Variants in MOB1A observed in about 807,000 individuals in gnomAD.
MOB1A encodes MOB kinase activator 1A.
In MOB1A, 10 loss-of-function variants were observed where a neutral mutation model predicts 25.1. The observed-to-expected ratio is 0.40, with a 90% CI of 0.25 to 0.68. The LOEUF (loss-of-function observed/expected upper bound fraction) is 0.68, where lower values mean the gene tolerates loss of function less well. Ranked by LOEUF, MOB1A falls within the 30% of genes least tolerant of loss-of-function variation. MOB1A has a pLI of 0.40. For synonymous variants in MOB1A, 81 were observed against 79.5 expected (o/e 1.02, Z -0.10); for missense variants, 177 against 256.3 (o/e 0.69, Z 2.11).
In MOB1A at chr2:74,155,531, G is replaced by C. The variant is rs1030671748; in HGVS notation, c.*1037C>G. On this transcript the variant is annotated 3_prime_UTR_variant, in exon 6 of 6. Coordinates refer to ENST00000396049, the MANE Select transcript of MOB1A (RefSeq NM_018221.5). ...CATGGTTTATTGTGGTTTTCCTTAA[G>C]TTTTATCCTTATTAGGATGAAGTTC... The C allele has an allele frequency of 6.6e-6, 1 of 152,448 alleles. No individual in the cohort carries two copies. Among genetic ancestry groups the C allele is most frequent in the Non-Finnish European group, 1.5e-5 (1 of 67,972 alleles). 9.4% of individuals were successfully genotyped at this position (152,448 alleles called of 1,614,324 possible).
intron 1 of MOB1A, among the ~76,000 whole-genome samples, chr2:74,173,933 A>G (rs1170196389): frequency 8.3e-6 from 1 of 120,522 alleles, no homozygotes; most frequent in Non-Finnish European, 1.7e-5. Context: ...TGGGCGACAG[A>G]GCGAAACTCC....
chr2:74,176,133 G>A (rs530840916), intron 1 of MOB1A, among the ~76,000 whole-genome samples: 5 of 138,370 alleles, frequency 3.6e-5, no homozygotes, highest in South Asian at 2.3e-4. Flanking sequence ...CAAACTAGCC[G>A]GGCGTGGTGG....
chr2:74,167,000 G>C lies in MOB1A; in HGVS notation c.275+14C>G. On this transcript the variant is annotated intron_variant, in intron 3 of 5. Transcript: ENST00000396049. ...AACTAATCCAAACACCTATATAATA[G>C]GCAGTATATGTACCTCGGACCTGCA... is the stretch of plus-strand genomic sequence containing the variant. The C allele has an allele frequency of 6.3e-7, 1 of 1,578,090 alleles. No homozygotes were observed. The highest frequency in any genetic ancestry group is 1.3e-5 in the African/African-American group (1 of 74,092).
chr2:74,171,507 G>T (rs1693293425), intron 2 of MOB1A, among the ~76,000 whole-genome samples: 1 of 152,126 alleles, frequency 6.6e-6, no homozygotes, highest in Non-Finnish European at 1.5e-5. Context: ...TATAGAAGAA[G>T]AAAAATTGGT....
chr2:74,169,903 A>G (rs1572962927), intron 2 of MOB1A, among the ~76,000 whole-genome samples: 1 of 152,294 alleles, frequency 6.6e-6, no homozygotes, highest in South Asian at 2.1e-4. Flanking sequence ...TGCTGGGATT[A>G]CAGACATGAG....
chr2:74,167,311 T>A (rs998289923), intron 2 of MOB1A, among the ~76,000 whole-genome samples: 2 of 152,164 alleles, frequency 1.3e-5, no homozygotes, highest in African/African-American at 4.8e-5. Context: ...GCTGGTGCAA[T>A]CTTGGCTCAC....
rs1692764605 is a variant in MOB1A at position 74,155,045 on chromosome 2, A to C, written c.*1523T>G. ...AGTAAGAAAAATAAATCTAAAAAAAAACATCAAATCTAACCTTTATCAAAG... is the reference window on the plus strand; with the variant it reads ...AGTAAGAAAAATAAATCTAAAAAAACACATCAAATCTAACCTTTATCAAAG... On this transcript the variant is annotated 3_prime_UTR_variant, in exon 6 of 6. Coordinates refer to ENST00000396049, the MANE Select transcript of MOB1A (RefSeq NM_018221.5). 1 of 152,236 alleles carries C rather than the reference A, an allele frequency of 6.6e-6. No individual in the cohort carries two copies. The highest frequency in any genetic ancestry group is 2.4e-5 in the African/African-American group (1 of 41,460). The allele number at this position is 152,236 out of a possible 1,614,324, so 9.4% of individuals were successfully genotyped here. A position where few individuals can be genotyped will look rare whatever the true frequency, so the allele number is the denominator to read the frequency against.
intron 3 of MOB1A, among the ~76,000 whole-genome samples, chr2:74,166,551 C>G (rs2103717051): frequency 6.6e-6 from 1 of 152,258 alleles, no homozygotes; most frequent in East Asian, 1.9e-4. Context: ...TAACTAATAG[C>G]TGGCCAGGTG....
intron 1 of MOB1A, among the ~76,000 whole-genome samples, chr2:74,177,717 C>G (rs939320799): frequency 2.0e-5 from 3 of 151,830 alleles, no homozygotes; most frequent in African/African-American, 7.3e-5. Context: ...ATAAAAATGT[C>G]AAGCATGTGG....
At chr2:74,163,440 C>A (rs1042111639) in intron 4 of MOB1A, among the ~76,000 whole-genome samples, 15 of 152,044 alleles carry the variant, frequency 9.9e-5, no homozygotes, top group Non-Finnish European at 1.9e-4. Context: ...AGTTCGAGAC[C>A]AGCCTGGGCA....
Position 74,167,181 on chromosome 2 carries a change from C to CA in MOB1A, c.182-75dup, listed in dbSNP as rs1464206447. ...ATGAGACCTCCAGTTGAAGGAAAAA[C>CA]AGACAATACATTTAGGTTCTTAGCT... On this transcript the variant is annotated intron_variant, in intron 2 of 5. Coordinates refer to ENST00000396049, the MANE Select transcript of MOB1A (RefSeq NM_018221.5). 9.1e-6 allele frequency: 10 copies of CA among 1,104,938 alleles called. No homozygotes were observed. In the Admixed American group the frequency reaches 1.9e-4, roughly 20 times the overall value. 68.4% of individuals were successfully genotyped at this position (1,104,938 alleles called of 1,614,324 possible).
At chr2:74,174,421 C>T (rs371492396) in intron 1 of MOB1A, among the ~76,000 whole-genome samples, 86 of 151,950 alleles carry the variant, frequency 5.7e-4, no homozygotes, top group African/African-American at 1.8e-3. Context: ...CATAGTAAGG[C>T]GGAATGGGGG....
intron 4 of MOB1A, among the ~76,000 whole-genome samples, chr2:74,159,536 C>T (rs1232364587): frequency 6.6e-6 from 1 of 152,120 alleles, no homozygotes; most frequent in Non-Finnish European, 1.5e-5. Flanking sequence ...ATCTGCCCGC[C>T]TCAACCTCTT....
Position 74,155,297 on chromosome 2 carries a change from G to A in MOB1A, c.*1271C>T, listed in dbSNP as rs931384007. 8.5e-5 allele frequency: 13 copies of A among 152,604 alleles called. No individual in the cohort carries two copies. The allele number at this position is 152,604 out of a possible 1,614,324, so 9.5% of individuals were successfully genotyped here. ...AGGCTTTTATATCCCAATAGAAATA[G>A]AGGAATTTCAAGTTTTGATACAAAA... On this transcript the variant is annotated 3_prime_UTR_variant, in exon 6 of 6. Coordinates refer to ENST00000396049, the MANE Select transcript of MOB1A (RefSeq NM_018221.5).
At chr2:74,162,716 C>T (rs926433291) in intron 4 of MOB1A, among the ~76,000 whole-genome samples, 3 of 151,836 alleles carry the variant, frequency 2.0e-5, no homozygotes, top group African/African-American at 7.3e-5. Flanking sequence ...CAAATGTTAA[C>T]AACTTGGAAA....
chr2:74,178,074 G>A, intron 1 of MOB1A: 1 of 152,190 alleles, frequency 6.6e-6, no homozygotes, highest in East Asian at 1.9e-4. Flanking sequence ...TAATAATGCT[G>A]TATGGTATAT....
chr2:74,157,327 G>A (rs1692832641), intron 5 of MOB1A, among the ~76,000 whole-genome samples: 1 of 152,078 alleles, frequency 6.6e-6, no homozygotes, highest in Admixed American at 6.5e-5. Context: ...CATGCCTGGA[G>A]AGAGCATGGA....
intron 1 of MOB1A, among the ~76,000 whole-genome samples, chr2:74,176,763 CAAAA>C (rs754041457): frequency 1.1e-5 from 1 of 88,932 alleles, no homozygotes; most frequent in Admixed American, 1.1e-4. Context: ...GACTCTGTCT[CAAAA>C]AAAAAAAAAA....
chr2:74,171,829 G>A (rs1693303552), intron 2 of MOB1A, among the ~76,000 whole-genome samples: 1 of 152,094 alleles, frequency 6.6e-6, no homozygotes, highest in Admixed American at 6.6e-5. Flanking sequence ...CTTGAACCCG[G>A]GAGGTGGAGG....
Sources: allele counts gnomAD v4.1 joint callset (sites outside exome capture counted in the v4.1 genomes callset), GRCh38; gene constraint gnomAD v4.1.1; transcripts MANE v1.5; gene names NCBI Gene and HGNC (gene_info 2026-07-23, HGNC 2026-07-21).